Variants in ELOVL7 observed in about 807,000 individuals in gnomAD.
ELOVL7 encodes the protein ELOVL fatty acid elongase 7.
A neutral mutation model predicts 35.7 loss-of-function variants in ELOVL7; 27 were observed. The observed-to-expected ratio is 0.76, with a 90% confidence interval of 0.56 to 1.04. The LOEUF is 1.04. ELOVL7 is among the 50% of genes least tolerant of loss of function. The probability of loss-of-function intolerance (pLI) is 0.00; values close to 1 mark genes in which losing one functional copy is unlikely to be tolerated. For missense variants in ELOVL7, 327 were observed against 340.8 expected (o/e 0.96, Z 0.32); for synonymous variants, 113 against 114.6 (o/e 0.99, Z 0.09).
At chr5:60,837,855 T>C (rs899244044) in intron 1 of ELOVL7, among the ~76,000 whole-genome samples, 17 of 152,072 alleles carry the variant, frequency 1.1e-4, no homozygotes, top group Non-Finnish European at 1.0e-4. Context: ...GGCAGGAGAA[T>C]TGCTTGAACA....
chr5:60,796,320 T>C (rs1205871976), intron 2 of ELOVL7, among the ~76,000 whole-genome samples: 2 of 152,160 alleles, frequency 1.3e-5, no homozygotes, highest in African/African-American at 4.8e-5. Context: ...TATTAAAACA[T>C]GGGGGATGAC....
chr5:60,768,778 G>A (rs1742400402), intron 4 of ELOVL7: 1 of 436,998 alleles, frequency 2.3e-6, no homozygotes, highest in Non-Finnish European at 4.6e-6. Context: ...AATATGATCA[G>A]TTCTTCTCAT....
At chr5:60,781,978 G>C (rs1173414711) in intron 3 of ELOVL7, among the ~76,000 whole-genome samples, 1 of 152,172 alleles carries the variant, frequency 6.6e-6, no homozygotes, top group African/African-American at 2.4e-5. Flanking sequence ...TGTTAGCACA[G>C]CCAAATTGAC....
chr5:60,821,204 T>G (rs1431799038), intron 1 of ELOVL7, among the ~76,000 whole-genome samples: 2 of 152,196 alleles, frequency 1.3e-5, no homozygotes, highest in African/African-American at 4.8e-5. Flanking sequence ...CTTCAAAGTC[T>G]GCCTACAGTT....
chr5:60,834,688 T>G (rs1746682868), intron 1 of ELOVL7, among the ~76,000 whole-genome samples: 1 of 152,040 alleles, frequency 6.6e-6, no homozygotes, highest in Admixed American at 6.6e-5. Context: ...ACCATTAGTA[T>G]GGAATGCTAA....
At chr5:60,808,388 G>T (rs1334435798) in intron 1 of ELOVL7, among the ~76,000 whole-genome samples, 1 of 152,130 alleles carries the variant, frequency 6.6e-6, no homozygotes, top group Non-Finnish European at 1.5e-5. Flanking sequence ...TCAATAGCAA[G>T]ACAAATCCTG....
At chr5:60,785,348 A>C (rs2112231105) in intron 3 of ELOVL7, among the ~76,000 whole-genome samples, 1 of 152,372 alleles carries the variant, frequency 6.6e-6, no homozygotes, top group South Asian at 2.1e-4. Context: ...CATGGATAAA[A>C]GTGGAAGTGG....
intron 1 of ELOVL7, among the ~76,000 whole-genome samples, chr5:60,810,459 A>C (rs2112317373): frequency 6.6e-6 from 1 of 152,314 alleles, no homozygotes; most frequent in Non-Finnish European, 1.5e-5. Flanking sequence ...TTCTACAGAG[A>C]ATTCATGTTA....
chr5:60,821,218 A>T (rs1188831817), intron 1 of ELOVL7, among the ~76,000 whole-genome samples: 1 of 152,164 alleles, frequency 6.6e-6, no homozygotes, highest in South Asian at 2.1e-4. Flanking sequence ...TACAGTTACT[A>T]AAAAGTCTAA....
chr5:60,808,910 AGC>A (rs1745097957), intron 1 of ELOVL7, among the ~76,000 whole-genome samples: 2 of 152,250 alleles, frequency 1.3e-5, no homozygotes, highest in Non-Finnish European at 1.5e-5. Flanking sequence ...TTCTGGAGAA[AGC>A]TAAACTATAA....
intron 3 of ELOVL7, among the ~76,000 whole-genome samples, chr5:60,781,994 A>G (rs1467627271): frequency 6.6e-6 from 1 of 152,270 alleles, no homozygotes; most frequent in Admixed American, 6.5e-5. Flanking sequence ...TTGACTCTGC[A>G]GTATTTAAAA....
At chr5:60,770,288 T>TA (rs1165635201) in intron 4 of ELOVL7, among the ~76,000 whole-genome samples, 1 of 152,162 alleles carries the variant, frequency 6.6e-6, no homozygotes, top group African/African-American at 2.4e-5. Context: ...TTGGGTACAT[T>TA]ACACTCAATG....
At chr5:60,781,397 CA>C (rs1743246129) in intron 3 of ELOVL7, among the ~76,000 whole-genome samples, 1 of 151,898 alleles carries the variant, frequency 6.6e-6, no homozygotes, top group African/African-American at 2.4e-5. Context: ...GCTTAAATGT[CA>C]GTAAAAGAAT....
chr5:60,772,852 A>G (rs1477344714), intron 3 of ELOVL7, among the ~76,000 whole-genome samples: 3 of 152,292 alleles, frequency 2.0e-5, no homozygotes, highest in Middle Eastern at 3.4e-3. Context: ...ATGCTTTTAT[A>G]TATTAAAAAA....
intron 2 of ELOVL7, among the ~76,000 whole-genome samples, chr5:60,792,960 C>T (rs1162445771): frequency 6.6e-6 from 1 of 152,160 alleles, no homozygotes; most frequent in Non-Finnish European, 1.5e-5. Flanking sequence ...CTGACCATGG[C>T]TGGCCTAAGT....
chr5:60,830,880 T>C (rs899030411), intron 1 of ELOVL7, among the ~76,000 whole-genome samples: 9 of 152,146 alleles, frequency 5.9e-5, no homozygotes, highest in East Asian at 1.9e-4. Flanking sequence ...TGGTAGAGAA[T>C]TGATTATGGG....
intron 1 of ELOVL7, among the ~76,000 whole-genome samples, chr5:60,839,666 T>C (rs1170832608): frequency 2.0e-5 from 3 of 152,246 alleles, no homozygotes; most frequent in African/African-American, 7.2e-5. Flanking sequence ...TTTAACATGC[T>C]ACCATTTACC....
At chr5:60,798,865 G>A (rs1170417918) in intron 2 of ELOVL7, among the ~76,000 whole-genome samples, 2 of 152,154 alleles carry the variant, frequency 1.3e-5, no homozygotes, top group East Asian at 3.8e-4. Flanking sequence ...GAACTTAACA[G>A]ACATGTGCTG....
Position 60,781,134 on chromosome 5 carries a change from C to T in ELOVL7, c.64+6200G>A, listed in dbSNP as rs576145449. Among the ~76,000 whole-genome samples the T allele has an allele frequency of 4.6e-5, 7 of 151,224 alleles. No individual in the cohort carries two copies. The East Asian group carries it at 9.7e-4, about 21-fold the overall frequency. Reference sequence around the variant, plus strand: ...CTGAGGCATGAGAAGAGCCTGAACCCGGGAGGTGGAGGTTGCAGTGAACCG... The same window carrying T: ...CTGAGGCATGAGAAGAGCCTGAACCTGGGAGGTGGAGGTTGCAGTGAACCG... On this transcript the variant is annotated intron_variant, in intron 3 of 8. Coordinates refer to ENST00000508821, the MANE Select transcript of ELOVL7 (RefSeq NM_024930.3).
Sources: gnomAD v4.1 joint callset for allele counts (sites outside exome capture counted in the v4.1 genomes callset) on GRCh38, gnomAD v4.1.1 for gene constraint, MANE v1.5 for transcripts, NCBI Gene and HGNC (gene_info 2026-07-23, HGNC 2026-07-21) for gene names.